MGAT5: variants seen among roughly 807,000 people sequenced by gnomAD.
MGAT5 encodes the protein alpha-1,6-mannosylglycoprotein 6-beta-N-acetylglucosaminyltransferase A.
A neutral mutation model predicts 94.3 loss-of-function variants in MGAT5; 30 were observed. The observed-to-expected ratio is 0.32, with a 90% confidence interval of 0.24 to 0.43. The LOEUF (loss-of-function observed/expected upper bound fraction) is 0.43, where lower values mean the gene tolerates loss of function less well. Ranked by LOEUF, MGAT5 falls within the 20% of genes least tolerant of loss-of-function variation. The pLI, the probability that MGAT5 is intolerant of heterozygous loss-of-function variation, is 1.00. For synonymous variants in MGAT5, 310 were observed against 322.9 expected (o/e 0.96, Z 0.43); for missense variants, 691 against 905.5 (o/e 0.76, Z 3.04).
intron 9 of MGAT5, among the ~76,000 whole-genome samples, chr2:134,359,546 ATTTG>A (rs1372979521): frequency 6.6e-6 from 1 of 152,224 alleles, no homozygotes; most frequent in Non-Finnish European, 1.5e-5. Flanking sequence ...TAAAAATCAC[ATTTG>A]TTTATCTTCT....
chr2:134,230,137 T>G (rs1047235265), intron 1 of MGAT5, among the ~76,000 whole-genome samples: 62 of 152,216 alleles, frequency 4.1e-4, no homozygotes, highest in African/African-American at 1.5e-3. Flanking sequence ...GGGGTTGTTT[T>G]GGGATGAAAC....
intron 4 of MGAT5, among the ~76,000 whole-genome samples, chr2:134,321,095 G>A (rs1212692370): frequency 6.6e-6 from 1 of 152,152 alleles, no homozygotes; most frequent in Non-Finnish European, 1.5e-5. Context: ...TCTGGCTTCC[G>A]GCTTGGGTGG....
At chr2:134,174,087 T>A (rs1165593354) in intron 1 of MGAT5, among the ~76,000 whole-genome samples, 1 of 152,250 alleles carries the variant, frequency 6.6e-6, no homozygotes. Flanking sequence ...TAAGCCCAAA[T>A]GAGCCTTTAC....
At chr2:134,281,047 G>T (rs1684661596) in intron 2 of MGAT5, among the ~76,000 whole-genome samples, 1 of 152,194 alleles carries the variant, frequency 6.6e-6, no homozygotes, top group African/African-American at 2.4e-5. Flanking sequence ...AGACATTTTT[G>T]AGCAGAACTC....
At chr2:134,332,708 C>A (rs910439915) in intron 4 of MGAT5, among the ~76,000 whole-genome samples, 4 of 152,110 alleles carry the variant, frequency 2.6e-5, no homozygotes, top group Admixed American at 2.0e-4. Flanking sequence ...GGGCTAATAT[C>A]CAGAATCTAC....
intron 2 of MGAT5, among the ~76,000 whole-genome samples, chr2:134,284,619 G>A (rs563512292): frequency 1.1e-4 from 16 of 151,060 alleles, no homozygotes; most frequent in African/African-American, 3.6e-4. Flanking sequence ...TGGAGAGATC[G>A]CTGTGTCCCA....
intron 13 of MGAT5, among the ~76,000 whole-genome samples, chr2:134,426,531 A>G (rs914175013): frequency 6.6e-6 from 1 of 152,184 alleles, no homozygotes; most frequent in Non-Finnish European, 1.5e-5. Flanking sequence ...TCATCTCATG[A>G]AAGATGACCA....
chr2:134,300,414 A>G (rs1206807513), intron 2 of MGAT5, among the ~76,000 whole-genome samples: 2 of 152,138 alleles, frequency 1.3e-5, no homozygotes, highest in Non-Finnish European at 2.9e-5. Flanking sequence ...ATTTCCTAGT[A>G]CTAGTGACTC....
At chr2:134,271,763 A>G (rs568043002) in intron 2 of MGAT5, among the ~76,000 whole-genome samples, 1 of 152,368 alleles carries the variant, frequency 6.6e-6, no homozygotes, top group South Asian at 2.1e-4. Flanking sequence ...AGGCAGTGTC[A>G]TCTAGGCCGT....
intron 1 of MGAT5, among the ~76,000 whole-genome samples, chr2:134,203,586 T>C (rs531973597): frequency 6.6e-5 from 10 of 152,152 alleles, no homozygotes; most frequent in African/African-American, 2.4e-4. Flanking sequence ...GGAGGCTGAA[T>C]GGAAGAGAGG....
intron 2 of MGAT5, among the ~76,000 whole-genome samples, chr2:134,280,423 GGAC>G (rs1220970637): frequency 6.6e-6 from 1 of 152,188 alleles, no homozygotes; most frequent in African/African-American, 2.4e-5. Context: ...AGTCACCCGA[GGAC>G]GACATGTCTG....
chr2:134,403,543 C>G (rs1463974344), intron 11 of MGAT5, among the ~76,000 whole-genome samples: 1 of 152,208 alleles, frequency 6.6e-6, no homozygotes, highest in Non-Finnish European at 1.5e-5. Flanking sequence ...ACCAGCTTTT[C>G]CTCATACCTC....
Position 134,192,189 on chromosome 2 carries a change from G to A in MGAT5, c.-142-62073G>A, listed in dbSNP as rs13393908. On this transcript the variant is annotated intron_variant, in intron 1 of 16. Coordinates refer to the MGAT5 transcript ENST00000409645. The stretch of plus-strand genomic sequence containing the variant: ...GTTCCTGATGAAAAGGTGGGTTCAC[G>A]CCTTTTTTCTTCTGCTTGCGCGAGC... Among the ~76,000 whole-genome samples the A allele has an allele frequency of 6.8e-3, 1,013 of 150,018 alleles. 10 individuals carry two copies. The highest frequency in any genetic ancestry group is 0.023 in the African/African-American group (937 of 40,830).
intron 12 of MGAT5, among the ~76,000 whole-genome samples, chr2:134,413,677 C>G (rs952763886): frequency 3.9e-5 from 6 of 152,104 alleles, no homozygotes; most frequent in Admixed American, 3.9e-4. Flanking sequence ...TTCATCTGGT[C>G]AGAAATAGGT....
rs1350531681 is a variant in MGAT5 at position 134,284,285 on chromosome 2, GCCC to G, written c.406+13736_406+13738del. Among the ~76,000 whole-genome samples the G allele has an allele frequency of 5.9e-5, 9 of 152,218 alleles. No homozygotes were observed. In the South Asian group the frequency reaches 1.7e-3, roughly 28 times the overall value. ...CTGTGTCAGGGGTCAACAAACTGTGGCCCATGGGCCAAATTAGTCCACTGCCTA... is the reference window on the plus strand; with the variant it reads ...CTGTGTCAGGGGTCAACAAACTGTGGATGGGCCAAATTAGTCCACTGCCTA... On this transcript the variant is annotated intron_variant, in intron 2 of 15. Coordinates refer to ENST00000281923, the MANE Select transcript of MGAT5 (RefSeq NM_002410.5).
Position 134,254,562 on chromosome 2 carries a change from C to G in MGAT5, c.159C>G (p.Leu53=), listed in dbSNP as rs765762056. 10 of 1,614,200 alleles carry G rather than the reference C, an allele frequency of 6.2e-6. No individual in the cohort carries two copies. The highest frequency in any genetic ancestry group is 8.5e-6 in the Non-Finnish European group (10 of 1,180,050). The stretch of plus-strand genomic sequence containing the variant: ...TGCTGCGCGAGCAGATCCTGGACCT[C>G]AGCAAAAGGTACATCAAGGCACTGG... ...SSMLREQILD[L]SKRYIKALAE... The change falls in exon 1 of 16, where the codon CTC becomes CTG. Residue 53 remains leucine (L), a synonymous_variant. Transcript: ENST00000281923.
In MGAT5 at chr2:134,387,004, G is replaced by A. The variant is rs56827769; in HGVS notation, c.1381-15984G>A. ...GAGCCGGGTGCGGTGGCTCACACATGTAATCCCATCACTTTGGGAGGCCAA... is the reference window on the plus strand; with the variant it reads ...GAGCCGGGTGCGGTGGCTCACACATATAATCCCATCACTTTGGGAGGCCAA... On this transcript the variant is annotated intron_variant, in intron 10 of 15. Coordinates refer to ENST00000281923, the MANE Select transcript of MGAT5 (RefSeq NM_002410.5). Among the ~76,000 whole-genome samples the A allele has an allele frequency of 9.6e-3, 1,458 of 152,136 alleles. 29 individuals carry two copies. Among genetic ancestry groups the A allele is most frequent in the African/African-American group, 0.033 (1,367 of 41,510 alleles).
At chr2:134,199,936 C>CATG (rs1679695839) in intron 1 of MGAT5, among the ~76,000 whole-genome samples, 1 of 151,986 alleles carries the variant, frequency 6.6e-6, no homozygotes, top group Non-Finnish European at 1.5e-5. Flanking sequence ...CTGCAAGAAG[C>CATG]TTCAGTGGTC....
intron 1 of MGAT5, among the ~76,000 whole-genome samples, chr2:134,224,231 G>A (rs1374014985): frequency 6.6e-6 from 1 of 152,166 alleles, no homozygotes; most frequent in African/African-American, 2.4e-5. Flanking sequence ...GGTCCTATTA[G>A]CAGGCGTTTC....
Sources: gnomAD v4.1 joint callset for allele counts (sites outside exome capture counted in the v4.1 genomes callset) on GRCh38, gnomAD v4.1.1 for gene constraint, MANE v1.5 for transcripts, NCBI Gene and HGNC (gene_info 2026-07-23, HGNC 2026-07-21) for gene names.